The following ZNF410 variants were observed in gnomAD, a reference collection of about 807,000 sequenced individuals.
The protein encoded by ZNF410 is zinc finger protein 410.
A neutral mutation model predicts 54.8 loss-of-function variants in ZNF410; 18 were observed. That is an observed-to-expected ratio of 0.33 (90% CI 0.23 to 0.49). The LOEUF (loss-of-function observed/expected upper bound fraction) is 0.49, where lower values mean the gene tolerates loss of function less well. Among genes scored for constraint, ZNF410 ranks in the 20% least tolerant of loss-of-function variants. The pLI is 0.99. For missense variants in ZNF410, 405 were observed against 569.6 expected, an observed-to-expected ratio of 0.71 and a Z score of 2.94; for synonymous variants, 191 against 207.3, an observed-to-expected ratio of 0.92 and a Z score of 0.68.
In ZNF410 at chr14:73,896,403, G is replaced by T; in HGVS notation, c.257G>T (p.Gly86Val). 6.2e-7 allele frequency: 1 copy of T among 1,614,178 alleles called. No individual in the cohort carries two copies. The highest frequency in any genetic ancestry group is 8.5e-7 in the Non-Finnish European group (1 of 1,180,042). ...RSLRVNVGPDGEETRAQTVQK... is the reference protein window; with the variant it reads ...RSLRVNVGPDVEETRAQTVQK... ...CTTCGGGTGAATGTGGGTCCAGACG[G>T]AGAGGAGACGAGAGCTCAGACTGTA... The change falls in exon 4 of 12, where the codon GGA (glycine) becomes GTA (valine). Residue 86 changes from glycine (G) to valine (V), a missense_variant. Coordinates refer to ENST00000555044, the MANE Select transcript of ZNF410 (RefSeq NM_021188.3).
In ZNF410 at chr14:73,920,968, T is replaced by G; in HGVS notation, c.1004-12T>G. 1 of 1,613,828 alleles carries G rather than the reference T, an allele frequency of 6.2e-7. No individual in the cohort carries two copies. Among genetic ancestry groups the G allele is most frequent in the Non-Finnish European group, 8.5e-7 (1 of 1,179,878 alleles). On this transcript the variant is annotated splice_polypyrimidine_tract_variant and intron_variant, in intron 8 of 11. Coordinates refer to ENST00000555044, the MANE Select transcript of ZNF410 (RefSeq NM_021188.3). The stretch of plus-strand genomic sequence containing the variant: ...CTTTTGGCTTCCTTGTTTAACCTGG[T>G]CCCTGTTTCAGGAGAGAAGCCTCAT...
intron 2 of ZNF410, 79 bp downstream of exon 2, chr14:73,892,287 A>G: frequency 6.9e-7 from 1 of 1,447,228 alleles, no homozygotes. Context: ...GGGTCAGCAA[A>G]CTTTTTCTTT....
chr14:73,929,742 AG>A lies in ZNF410; in HGVS notation c.1399-1759del, dbSNP rs2055883725. 2.0e-5 allele frequency among the ~76,000 whole-genome samples: 3 copies of A among 152,102 alleles called. No individual in the cohort carries two copies. The South Asian group carries it at 6.2e-4, about 32-fold the overall frequency. On this transcript the variant is annotated intron_variant, in intron 11 of 11. Coordinates refer to ENST00000555044, the MANE Select transcript of ZNF410 (RefSeq NM_021188.3). The stretch of plus-strand genomic sequence containing the variant: ...TGAGGTGAGAGGATCACTTGGGCCC[AG>A]GAAGTTGAGGCTGTAGTGAGCCATG...
chr14:73,891,282 T>C (rs1303532900), intron 1 of ZNF410, among the ~76,000 whole-genome samples: 2 of 152,168 alleles, frequency 1.3e-5, no homozygotes, highest in Non-Finnish European at 2.9e-5. Flanking sequence ...ATAGCAAGTA[T>C]ATAATTTTGT....
chr14:73,898,346 T>C (rs1381231117), intron 5 of ZNF410, 84 bp downstream of exon 5: 1 of 1,363,050 alleles, frequency 7.3e-7, no homozygotes, highest in Non-Finnish European at 1.0e-6. Flanking sequence ...TTGTATATAA[T>C]TTAAATTATT....
At chr14:73,917,122 AT>A (rs1014255309) in intron 8 of ZNF410, among the ~76,000 whole-genome samples, 1 of 149,990 alleles carries the variant, frequency 6.7e-6, no homozygotes, top group Non-Finnish European at 1.5e-5. Context: ...TTTTCAGGGG[AT>A]TTTTTTGTAC....
Position 73,893,869 on chromosome 14 carries a change from A to G in ZNF410, c.106A>G (p.Ile36Val). The G allele has an allele frequency of 6.2e-7, 1 of 1,614,178 alleles. No individual in the cohort carries two copies. The highest frequency in any genetic ancestry group is 8.5e-7 in the Non-Finnish European group (1 of 1,180,018). ...GCTTGTAGAATCAGAAGCTAAAGAT[A>G]TTACTTGCTTGTCCCTCCTTCCCGT... ...QGLVESEAKD[I>V]TCLSLLPVTE... is the part of the protein sequence containing the mutation. The change falls in exon 3 of 12, where the codon ATT becomes GTT. Residue 36 changes from isoleucine to valine, a missense_variant. By Grantham distance (29) the Ile-to-Val change is conservative (BLOSUM62 3). Transcript: ENST00000555044.
At chr14:73,905,316 C>T (rs532810082) in intron 7 of ZNF410, 1 of 415,160 alleles carries the variant, frequency 2.4e-6, no homozygotes, top group Admixed American at 4.0e-5. Flanking sequence ...GGAGCCTAAC[C>T]TGCAGGGAGA....
chr14:73,900,139 G>A (rs1594749617), intron 5 of ZNF410, among the ~76,000 whole-genome samples: 3 of 151,490 alleles, frequency 2.0e-5, no homozygotes, highest in Admixed American at 2.0e-4. Flanking sequence ...GTTGCAGTGA[G>A]TGGAGATCGC....
intron 5 of ZNF410, among the ~76,000 whole-genome samples, chr14:73,898,777 C>T (rs1198755344): frequency 6.6e-6 from 1 of 152,162 alleles, no homozygotes; most frequent in East Asian, 1.9e-4. Context: ...AATGCTTTTT[C>T]TTTTCAGTTC....
intron 7 of ZNF410, among the ~76,000 whole-genome samples, chr14:73,908,407 T>C (rs1455152872): frequency 6.6e-6 from 1 of 152,194 alleles, no homozygotes; most frequent in Non-Finnish European, 1.5e-5. Context: ...TTATATATAT[T>C]AGTATATTGC....
intron 3 of ZNF410, chr14:73,894,327 G>C: frequency 1.4e-6 from 1 of 702,666 alleles, no homozygotes; most frequent in Non-Finnish European, 2.6e-6. Context: ...GTGAAATAGG[G>C]ACTAAAAGGA....
At chr14:73,911,813 A>T (rs959475781) in intron 8 of ZNF410, among the ~76,000 whole-genome samples, 1 of 152,140 alleles carries the variant, frequency 6.6e-6, no homozygotes, top group Non-Finnish European at 1.5e-5. Context: ...TAAGTCTTTA[A>T]AAATCTAGAT....
At position 73,898,239 on chromosome 14, in the gene ZNF410, A is replaced by G. The variant is rs756153694; in HGVS notation, c.557A>G (p.Lys186Arg). 3.7e-5 allele frequency: 59 copies of G among 1,613,988 alleles called. No individual in the cohort carries two copies. Among genetic ancestry groups the G allele is most frequent in the Middle Eastern group, 1.6e-4 (1 of 6,084 alleles). ...LIAATRAQLA[K>R]NAKTSSNGEN... ...GCTGCTACTCGTGCACAACTGGCAAAGAATGCAAAAACCAGCAGCAATGGT... is the reference window on the plus strand; with the variant it reads ...GCTGCTACTCGTGCACAACTGGCAAGGAATGCAAAAACCAGCAGCAATGGT... Residue 186 changes from lysine to arginine, a missense_variant, in exon 5 of 12, where the codon AAG becomes AGG. By Grantham distance (26) the Lys-to-Arg change is conservative. Around this residue, in one of 3 missense-constraint regions of ZNF410, gnomAD observed 247 missense variants for 342.8 expected, o/e 0.72. Transcript: ENST00000555044.
rs972814636 is a variant in ZNF410 at position 73,932,503 on chromosome 14, A to G, written c.*962A>G. On this transcript the variant is annotated 3_prime_UTR_variant, in exon 12 of 12. Transcript: ENST00000555044. ...TCTGAGAAAATGGCAATAAAAACAGATACTTCTGAATTTTTCCACAAAGAT... is the reference window on the plus strand; with the variant it reads ...TCTGAGAAAATGGCAATAAAAACAGGTACTTCTGAATTTTTCCACAAAGAT... 8 of 450,160 alleles carry G rather than the reference A, an allele frequency of 1.8e-5. No individual in the cohort carries two copies. The highest frequency in any genetic ancestry group is 8.1e-5 in the African/African-American group (4 of 49,546). 27.9% of individuals were successfully genotyped at this position (450,160 alleles called of 1,614,324 possible).
intron 5 of ZNF410, among the ~76,000 whole-genome samples, chr14:73,898,886 T>C (rs753033562): frequency 1.2e-3 from 189 of 152,228 alleles, no homozygotes; most frequent in Non-Finnish European, 1.6e-3. Context: ...AACTGAGAAA[T>C]ATAAACTCTC....
At chr14:73,916,958 A>C (rs1028508230) in intron 8 of ZNF410, among the ~76,000 whole-genome samples, 2 of 132,904 alleles carry the variant, frequency 1.5e-5, no homozygotes, top group African/African-American at 4.9e-5. Flanking sequence ...CCAGCCTGGG[A>C]AACAGAGCGA....
chr14:73,888,814 T>C (rs1298351209), intron 1 of ZNF410, among the ~76,000 whole-genome samples: 1 of 152,210 alleles, frequency 6.6e-6, no homozygotes, highest in Non-Finnish European at 1.5e-5. Context: ...CTGAGTGCTC[T>C]AGTACAAATT....
chr14:73,898,740 A>G (rs2055361022), intron 5 of ZNF410, among the ~76,000 whole-genome samples: 2 of 152,268 alleles, frequency 1.3e-5, no homozygotes, highest in South Asian at 4.1e-4. Context: ...TGCTCATGGC[A>G]GTTTAACAAT....
Sources: allele counts gnomAD v4.1 joint callset (sites outside exome capture counted in the v4.1 genomes callset), GRCh38; gene constraint gnomAD v4.1.1; regional missense constraint gnomAD v4.1.1; transcripts MANE v1.5; gene names NCBI Gene and HGNC (gene_info 2026-07-23, HGNC 2026-07-21).